The following SRRM1 variants were observed in gnomAD, a reference collection of about 807,000 sequenced individuals.
SRRM1 encodes the protein serine and arginine repetitive matrix 1.
Under a neutral mutation model 110.2 loss-of-function variants are expected in SRRM1, and 19 were observed. The observed-to-expected ratio is 0.17, with a 90% CI of 0.12 to 0.25. The LOEUF (loss-of-function observed/expected upper bound fraction) is 0.25, where lower values mean the gene tolerates loss of function less well. SRRM1 is among the 10% of genes least tolerant of loss of function. The pLI is 1.00. For missense variants in SRRM1, 918 were observed against 1,145.8 expected (o/e 0.80, Z 2.87); for synonymous variants, 443 against 414.9 (o/e 1.07, Z -0.82).
intron 12 of SRRM1, chr1:24,666,435 G>A: frequency 5.8e-6 from 1 of 171,560 alleles, no homozygotes; most frequent in Non-Finnish European, 1.3e-5. Context: ...CGTGTCTTCT[G>A]GGTCACTTAA....
Position 24,646,658 on chromosome 1 carries a change from T to A in SRRM1, c.112-9T>A, listed in dbSNP as rs372145674. ...GAAGTTGTACTTAATTGTTTCTATG[T>A]TTCATCAGGTGGACATGAGCAAAGT... On this transcript the variant is annotated splice_polypyrimidine_tract_variant and intron_variant, in intron 2 of 16. Coordinates refer to ENST00000323848, the MANE Select transcript of SRRM1 (RefSeq NM_005839.4). 2.5e-6 allele frequency: 4 copies of A among 1,575,532 alleles called. No homozygotes were observed. Among genetic ancestry groups the A allele is most frequent in the Non-Finnish European group, 3.4e-6 (4 of 1,167,542 alleles).
In SRRM1 at chr1:24,669,459, G is replaced by C; in HGVS notation, c.2076G>C (p.Gln692His). ...HSPSPRPRAP[Q>H]TSSSPPPVRR... ...CCTCACCACGGCCTCGAGCTCCTCAGACCTCCTCAAGTCCTCCACCCGTTC... is the reference window on the plus strand; with the variant it reads ...CCTCACCACGGCCTCGAGCTCCTCACACCTCCTCAAGTCCTCCACCCGTTC... Residue 692 changes from glutamine (Q) to histidine (H), a missense_variant, in exon 14 of 17, where the codon CAG (glutamine) becomes CAC (histidine). By Grantham distance (24) the Gln-to-His change is conservative. This residue lies in a region of SRRM1 where 357 missense variants were observed against 402.9 expected (regional missense o/e 0.89). Transcript: ENST00000323848. The C allele has an allele frequency of 6.2e-7, 1 of 1,614,034 alleles. No individual in the cohort carries two copies. The highest frequency in any genetic ancestry group is 1.7e-5 in the Admixed American group (1 of 59,986).
rs559522098 is a variant in SRRM1 at position 24,643,400 on chromosome 1, C to T, written c.21+53C>T. On this transcript the variant is annotated intron_variant, in intron 1 of 16. Coordinates refer to ENST00000323848, the MANE Select transcript of SRRM1 (RefSeq NM_005839.4). Reference sequence around the variant, plus strand: ...GAGGCCAGGGACTTCTCGGTAAGGCCTGGTAGGAGACCTTAGCTTGGCACA... The same window carrying T: ...GAGGCCAGGGACTTCTCGGTAAGGCTTGGTAGGAGACCTTAGCTTGGCACA... The T allele has an allele frequency of 3.4e-4, 506 of 1,498,122 alleles. 3 individuals are homozygous for T. The African/African-American group carries it at 6.8e-3, about 20-fold the overall frequency. The allele number at this position is 1,498,122 out of a possible 1,614,324, so 92.8% of individuals were successfully genotyped here.
chr1:24,653,453 T>A (rs1662210382), intron 8 of SRRM1, among the ~76,000 whole-genome samples: 1 of 152,222 alleles, frequency 6.6e-6, no homozygotes, highest in African/African-American at 2.4e-5. Flanking sequence ...GAATTTTTTA[T>A]AAAATTCTCA....
Position 24,669,085 on chromosome 1 carries a change from G to A in SRRM1, c.1740-38G>A, listed in dbSNP as rs754555226. 1.1e-5 allele frequency: 17 copies of A among 1,559,726 alleles called. No individual in the cohort carries two copies. In the African/African-American group the frequency reaches 1.6e-4, roughly 15 times the overall value. Reference sequence around the variant, plus strand: ...ACTTTTCATCCTGTTTCTGTATTTTGTTGAGCCTTTCAGCTTAATTATGTA... The same window carrying A: ...ACTTTTCATCCTGTTTCTGTATTTTATTGAGCCTTTCAGCTTAATTATGTA... On this transcript the variant is annotated intron_variant, in intron 13 of 16. Coordinates refer to ENST00000323848, the MANE Select transcript of SRRM1 (RefSeq NM_005839.4).
intron 4 of SRRM1, 112 bp downstream of exon 4, chr1:24,649,141 G>A (rs1659113324): frequency 2.1e-6 from 2 of 971,600 alleles, no homozygotes; most frequent in Non-Finnish European, 3.1e-6. Flanking sequence ...TTGCTTTGCT[G>A]TACTGTATTT....
chr1:24,669,959 A>G (rs1024317139), intron 14 of SRRM1, 161 bp from the exon 15 acceptor site: 1 of 692,868 alleles, frequency 1.4e-6, no homozygotes, highest in Admixed American at 3.0e-5. Flanking sequence ...CCCTCTGGGA[A>G]ACATAGGTAA....
rs1055231805 is a variant in SRRM1 at position 24,653,007 on chromosome 1, A to G, written c.1015A>G (p.Arg339Gly). 3.1e-6 allele frequency: 5 copies of G among 1,613,752 alleles called. No homozygotes were observed. Among genetic ancestry groups the G allele is most frequent in the Non-Finnish European group, 3.4e-6 (4 of 1,179,846 alleles). ...PRRMPPPPRHRRSRSPVRRRR... is the reference protein window; with the variant it reads ...PRRMPPPPRHGRSRSPVRRRR... The stretch of plus-strand genomic sequence containing the variant: ...AAGAATGCCTCCTCCACCAAGGCAT[A>G]GAAGGAGTAGATCTCCAGTAAGACG... The change falls in exon 8 of 17, where the codon AGA (arginine) becomes GGA (glycine). Residue 339 changes from arginine to glycine, a missense_variant. This residue lies in a region of SRRM1 where 456 missense variants were observed against 453.5 expected (regional missense o/e 1.01). Transcript: ENST00000323848.
intron 3 of SRRM1, 107 bp from the exon 4 acceptor site, chr1:24,648,752 A>G (rs1233265998): frequency 1.4e-5 from 13 of 944,734 alleles, no homozygotes; most frequent in South Asian, 4.8e-5. Flanking sequence ...CTAAGCCCCT[A>G]TGGTAGACTT....
At chr1:24,652,715 TAGA>T (rs1286201256) in intron 7 of SRRM1, 87 bp downstream of exon 7, 65 of 1,351,136 alleles carry the variant, frequency 4.8e-5, no homozygotes, top group Middle Eastern at 4.3e-4. Flanking sequence ...TTCAAAGTGG[TAGA>T]AGATGTTTAG....
At chr1:24,656,493 G>A (rs1311704690) in intron 9 of SRRM1, among the ~76,000 whole-genome samples, 1 of 152,130 alleles carries the variant, frequency 6.6e-6, no homozygotes, top group South Asian at 2.1e-4. Context: ...GAGGGGCTTC[G>A]GGATCACTGT....
intron 14 of SRRM1, chr1:24,669,872 G>A (rs1429188219): frequency 3.6e-6 from 2 of 556,992 alleles, no homozygotes; most frequent in East Asian, 3.0e-5. Context: ...TGTGTGTGAT[G>A]TAAGGAACTG....
chr1:24,663,271 G>C (rs4649011), intron 12 of SRRM1: 1 of 1,433,576 alleles, frequency 7.0e-7, no homozygotes, highest in East Asian at 2.6e-5. Context: ...GTCAAAAATT[G>C]TAGTGACTTA....
In SRRM1 at chr1:24,662,584, C is replaced by T. The variant is rs1469854906; in HGVS notation, c.1484-76C>T. 4 of 1,486,634 alleles carry T rather than the reference C, an allele frequency of 2.7e-6. No homozygotes were observed. In the Admixed American group the frequency reaches 5.4e-5, roughly 20 times the overall value. 92.1% of individuals were successfully genotyped at this position (1,486,634 alleles called of 1,614,324 possible). Reference sequence around the variant, plus strand: ...TTGCTTACCCTAGTGAACACTCCATCCACCTAGATTTCAGAAAACTTGGAC... The same window carrying T: ...TTGCTTACCCTAGTGAACACTCCATTCACCTAGATTTCAGAAAACTTGGAC... On this transcript the variant is annotated intron_variant, in intron 11 of 16. Coordinates refer to ENST00000323848, the MANE Select transcript of SRRM1 (RefSeq NM_005839.4).
intron 15 of SRRM1, 94 bp downstream of exon 15, chr1:24,670,409 T>C: frequency 7.6e-7 from 1 of 1,317,032 alleles, no homozygotes; most frequent in South Asian, 1.5e-5. Flanking sequence ...AAAATATTGG[T>C]GTTTAAACTT....
rs1030504034 is a variant in SRRM1 at position 24,646,616 on chromosome 1, T to C, written c.112-51T>C. The C allele has an allele frequency of 3.3e-6, 4 of 1,195,620 alleles. No homozygotes were observed. In the African/African-American group the frequency reaches 6.5e-5, roughly 19 times the overall value. The allele number at this position is 1,195,620 out of a possible 1,614,324, so 74.1% of individuals were successfully genotyped here. On this transcript the variant is annotated intron_variant, in intron 2 of 16. Coordinates refer to ENST00000323848, the MANE Select transcript of SRRM1 (RefSeq NM_005839.4). Reference sequence around the variant, plus strand: ...GGTAGACAGAACTCTAACTTGAGCATTTTTTTTTAGGATTGTGAAGTTGTA... The same window carrying C: ...GGTAGACAGAACTCTAACTTGAGCACTTTTTTTTAGGATTGTGAAGTTGTA...
chr1:24,660,845 T>C, intron 10 of SRRM1, 46 bp downstream of exon 10: 1 of 1,407,762 alleles, frequency 7.1e-7, no homozygotes, highest in Non-Finnish European at 9.8e-7. Context: ...TTTGTTTTTG[T>C]TTTTCTTAAA....
Position 24,652,352 on chromosome 1 carries a change from A to G in SRRM1, c.726-82A>G, listed in dbSNP as rs1661449847. On this transcript the variant is annotated intron_variant, in intron 6 of 16. Coordinates refer to ENST00000323848, the MANE Select transcript of SRRM1 (RefSeq NM_005839.4). The stretch of plus-strand genomic sequence containing the variant: ...GTGAATTTTGAAAAGTTTTAGAAAT[A>G]CTTTATTACATCATTGTGTAATGAT... 5 of 1,015,208 alleles carry G rather than the reference A, an allele frequency of 4.9e-6. No homozygotes were observed. The East Asian group carries it at 1.0e-4, about 21-fold the overall frequency. The allele number at this position is 1,015,208 out of a possible 1,614,324, so 62.9% of individuals were successfully genotyped here. A position where few individuals can be genotyped will look rare whatever the true frequency, so the allele number is the denominator to read the frequency against.
At chr1:24,668,215 G>A (rs1283656725) in intron 13 of SRRM1, among the ~76,000 whole-genome samples, 3 of 151,734 alleles carry the variant, frequency 2.0e-5, no homozygotes, top group African/African-American at 7.2e-5. Flanking sequence ...CAGGTGATCC[G>A]CCTCAGCCTC....
Sources: allele counts gnomAD v4.1 joint callset (sites outside exome capture counted in the v4.1 genomes callset), GRCh38; gene constraint gnomAD v4.1.1; regional missense constraint gnomAD v4.1.1; transcripts MANE v1.5; gene names NCBI Gene and HGNC (gene_info 2026-07-23, HGNC 2026-07-21).